Variants in PARP8 observed in about 807,000 individuals in gnomAD.
The protein encoded by PARP8 is protein mono-ADP-ribosyltransferase PARP8.
PARP8 carries 51 observed loss-of-function variants against 124.1 expected under a neutral mutation model. The observed-to-expected ratio is 0.41, with a 90% CI of 0.33 to 0.52. The LOEUF (loss-of-function observed/expected upper bound fraction) is 0.52. PARP8 is among the 20% of genes least tolerant of loss of function. The pLI is 0.21. For missense variants in PARP8, 860 were observed against 1,018.9 expected (o/e 0.84, Z 2.12); for synonymous variants, 391 against 361.5 (o/e 1.08, Z -0.93).
intron 2 of PARP8, among the ~76,000 whole-genome samples, chr5:50,670,938 A>G (rs971443509): frequency 3.9e-5 from 6 of 152,216 alleles, no homozygotes; most frequent in African/African-American, 7.2e-5. Context: ...CTTGTGCTAT[A>G]TATACGGTAA....
chr5:50,732,585 C>T (rs1298588292), intron 2 of PARP8, among the ~76,000 whole-genome samples: 1 of 152,030 alleles, frequency 6.6e-6, no homozygotes, highest in Admixed American at 6.6e-5. Flanking sequence ...AAATGACATG[C>T]AATAGCTTTG....
chr5:50,667,270 T>G (rs1579871015), intron 1 of PARP8, 84 bp downstream of exon 1: 1 of 1,377,496 alleles, frequency 7.3e-7, no homozygotes, highest in Non-Finnish European at 1.0e-6. Flanking sequence ...GGGGGTGGGG[T>G]GGAGGGTTGC....
chr5:50,813,787 C>CT (rs1374329601), intron 14 of PARP8, among the ~76,000 whole-genome samples: 1 of 151,876 alleles, frequency 6.6e-6, no homozygotes, highest in East Asian at 1.9e-4. Flanking sequence ...AAAGCAATGT[C>CT]TATTGTTATA....
At chr5:50,788,445 G>T (rs1341498916) in intron 9 of PARP8, 78 bp from the exon 10 acceptor site, 4 of 1,322,646 alleles carry the variant, frequency 3.0e-6, no homozygotes, top group Non-Finnish European at 4.3e-6. Flanking sequence ...TATATAATGC[G>T]ATTTCAACCT....
intron 3 of PARP8, among the ~76,000 whole-genome samples, chr5:50,755,449 A>G (rs1759822948): frequency 6.6e-6 from 1 of 152,136 alleles, no homozygotes; most frequent in Non-Finnish European, 1.5e-5. Context: ...TCCTTTCCCC[A>G]TTTCTCACTT....
chr5:50,700,743 T>C (rs1269843034), intron 2 of PARP8, among the ~76,000 whole-genome samples: 1 of 152,176 alleles, frequency 6.6e-6, no homozygotes, highest in Non-Finnish European at 1.5e-5. Flanking sequence ...GCATAATTAC[T>C]CAAAATTACG....
intron 2 of PARP8, among the ~76,000 whole-genome samples, chr5:50,737,397 T>G (rs1359037061): frequency 1.3e-5 from 2 of 151,714 alleles, no homozygotes; most frequent in South Asian, 4.2e-4. Context: ...ATAACTATAT[T>G]TGCCATGAGA....
intron 25 of PARP8, among the ~76,000 whole-genome samples, chr5:50,838,910 C>G (rs1446837658): frequency 6.6e-6 from 1 of 151,944 alleles, no homozygotes; most frequent in Non-Finnish European, 1.5e-5. Flanking sequence ...TTGGCACCTT[C>G]CCTGACCTCC....
chr5:50,760,488 A>G, intron 5 of PARP8, 126 bp downstream of exon 5: 1 of 763,190 alleles, frequency 1.3e-6, no homozygotes, highest in Non-Finnish European at 1.8e-6. Flanking sequence ...ACTCAAGCTA[A>G]TGGCTCAGGG....
intron 2 of PARP8, among the ~76,000 whole-genome samples, chr5:50,718,894 G>A (rs928958014): frequency 1.3e-4 from 20 of 151,918 alleles, no homozygotes; most frequent in Non-Finnish European, 2.8e-4. Flanking sequence ...AGGAACGTCT[G>A]TACTCTTCCA....
At chr5:50,780,361 A>G (rs1740533403) in intron 9 of PARP8, among the ~76,000 whole-genome samples, 1 of 152,098 alleles carries the variant, frequency 6.6e-6, no homozygotes, top group Non-Finnish European at 1.5e-5. Context: ...GGAAGTCCTT[A>G]TGTCTGAACT....
intron 23 of PARP8, 117 bp downstream of exon 23, chr5:50,832,971 TATAAA>T (rs1286937693): frequency 4.8e-6 from 4 of 826,352 alleles, no homozygotes; most frequent in Non-Finnish European, 1.9e-6. Flanking sequence ...GGTCATTACT[TATAAA>T]GGAATAAAAC....
chr5:50,758,870 A>AATACTAAGT, intron 3 of PARP8, among the ~76,000 whole-genome samples: 1 of 152,188 alleles, frequency 6.6e-6, no homozygotes, highest in Non-Finnish European at 1.5e-5. Context: ...GAGGAAACAA[A>AATACTAAGT]TAGTGAATAA....
intron 14 of PARP8, among the ~76,000 whole-genome samples, chr5:50,810,707 G>A (rs1744342503): frequency 1.3e-5 from 2 of 151,950 alleles, no homozygotes; most frequent in Admixed American, 1.3e-4. Context: ...AATAAACAAG[G>A]AAAAGGGAGA....
intron 2 of PARP8, among the ~76,000 whole-genome samples, chr5:50,701,503 G>A (rs1753589754): frequency 6.6e-6 from 1 of 151,990 alleles, no homozygotes; most frequent in Non-Finnish European, 1.5e-5. Flanking sequence ...GCTCCCCTTT[G>A]CATAGTTTTC....
At chr5:50,833,531 G>T (rs1442502261) in intron 23 of PARP8, 2 of 330,860 alleles carry the variant, frequency 6.0e-6, no homozygotes, top group East Asian at 1.6e-4. Flanking sequence ...AAAAATCCCA[G>T]ATTTTCTACA....
At chr5:50,737,119 C>T (rs34677483) in intron 2 of PARP8, among the ~76,000 whole-genome samples, 10,203 of 152,042 alleles carry the variant, frequency 0.067, 380 homozygotes, top group Middle Eastern at 0.11. Flanking sequence ...TACTAAGATT[C>T]CCATTTTGCC....
intron 22 of PARP8, among the ~76,000 whole-genome samples, chr5:50,831,431 T>G (rs1746972495): frequency 6.6e-6 from 1 of 152,120 alleles, no homozygotes. Context: ...GGAATTGGAC[T>G]CCATCTCTTG....
intron 2 of PARP8, among the ~76,000 whole-genome samples, chr5:50,727,222 A>G (rs547581798): frequency 1.3e-5 from 2 of 152,206 alleles, no homozygotes; most frequent in East Asian, 1.9e-4. Flanking sequence ...TTAGATGAAC[A>G]TTTGAGATAC....
Sources: gnomAD v4.1 joint callset for allele counts (sites outside exome capture counted in the v4.1 genomes callset) on GRCh38, gnomAD v4.1.1 for gene constraint, MANE v1.5 for transcripts, NCBI Gene and HGNC (gene_info 2026-07-23, HGNC 2026-07-21) for gene names.